The following ANKRD17 variants were observed in gnomAD, a reference collection of about 807,000 sequenced individuals.
ANKRD17 encodes the protein ankyrin repeat domain-containing protein 17.
ANKRD17 carries 19 observed loss-of-function variants against 229.7 expected under a neutral mutation model. The observed-to-expected ratio is 0.08, with a 90% CI of 0.06 to 0.12. ANKRD17 has a LOEUF of 0.12. Ranked by LOEUF, ANKRD17 falls within the 10% of genes least tolerant of loss-of-function variation. The probability of loss-of-function intolerance (pLI) is 1.00; values close to 1 mark genes in which losing one functional copy is unlikely to be tolerated. For missense variants in ANKRD17, 2,176 were observed against 3,176.8 expected, an observed-to-expected ratio of 0.68 and a Z score of 7.57; for synonymous variants, 1,112 against 1,146.1, an observed-to-expected ratio of 0.97 and a Z score of 0.60.
chr4:73,111,000 A>G (rs1049425875), intron 24 of ANKRD17, among the ~76,000 whole-genome samples: 1 of 152,214 alleles, frequency 6.6e-6, no homozygotes, highest in Admixed American at 6.5e-5. Context: ...ATACAAGGAA[A>G]TGACATTGGT....
intron 1 of ANKRD17, among the ~76,000 whole-genome samples, chr4:73,203,901 T>C (rs1739055540): frequency 6.6e-6 from 1 of 150,782 alleles, no homozygotes; most frequent in South Asian, 2.1e-4. Context: ...CACATCACAA[T>C]GAAACTACTA....
At chr4:73,131,341 A>T (rs1217123348) in intron 16 of ANKRD17, among the ~76,000 whole-genome samples, 1 of 152,234 alleles carries the variant, frequency 6.6e-6, no homozygotes, top group Non-Finnish European at 1.5e-5. Context: ...CCTTGTTAAA[A>T]ATATTAGCTC....
chr4:73,229,519 C>T (rs995198574), intron 1 of ANKRD17, among the ~76,000 whole-genome samples: 115 of 151,642 alleles, frequency 7.6e-4, no homozygotes, highest in Non-Finnish European at 8.4e-4. Context: ...TACACCTCCT[C>T]TCATCTAACT....
At chr4:73,208,734 A>G (rs887469831) in intron 1 of ANKRD17, among the ~76,000 whole-genome samples, 1 of 152,218 alleles carries the variant, frequency 6.6e-6, no homozygotes, top group South Asian at 2.1e-4. Flanking sequence ...AAAATAAAAG[A>G]TATCAACATT....
At chr4:73,144,638 C>T in intron 11 of ANKRD17, 107 bp downstream of exon 11, 1 of 584,308 alleles carries the variant, frequency 1.7e-6, no homozygotes, top group Non-Finnish European at 2.8e-6. Flanking sequence ...AGCATCCCTC[C>T]TCATATGATA....
chr4:73,081,366 G>A lies in ANKRD17; in HGVS notation c.7160-2476C>T, dbSNP rs76032760. Among the ~76,000 whole-genome samples the A allele has an allele frequency of 4.2e-3, 635 of 152,340 alleles. 4 individuals carry two copies. The highest frequency in any genetic ancestry group is 0.015 in the African/African-American group (612 of 41,574). On this transcript the variant is annotated intron_variant, in intron 30 of 33. Transcript: ENST00000358602. ...GAGACCACAAATCCTCTAAGAGAGA[G>A]AGAGAGAGAGAATAGCTATCCCTAA...
At position 73,074,046 on chromosome 4, in the gene ANKRD17, T is replaced by A. The variant is rs1315846038; in HGVS notation, c.*2185A>T. Reference sequence around the variant, plus strand: ...CATCTGAAATATAAAAAATGTATTTTAAAAATGTTCCTAGTACAGACTTCT... The same window carrying A: ...CATCTGAAATATAAAAAATGTATTTAAAAAATGTTCCTAGTACAGACTTCT... On this transcript the variant is annotated 3_prime_UTR_variant, in exon 34 of 34. Coordinates refer to ENST00000358602, the MANE Select transcript of ANKRD17 (RefSeq NM_032217.5). 6.6e-6 allele frequency: 1 copy of A among 152,032 alleles called. No homozygotes were observed. The highest frequency in any genetic ancestry group is 2.4e-5 in the African/African-American group (1 of 41,446). 9.4% of individuals were successfully genotyped at this position (152,032 alleles called of 1,614,324 possible).
At chr4:73,141,640 C>A (rs1007919560) in intron 14 of ANKRD17, 101 bp downstream of exon 14, 5 of 1,149,090 alleles carry the variant, frequency 4.4e-6, no homozygotes, top group East Asian at 2.5e-5. Context: ...TTAGTAATGC[C>A]AACTTAGTAA....
rs373599540 is a variant in ANKRD17, at chr4:73,157,767, G to A, written c.705-1601C>T. On this transcript the variant is annotated intron_variant, in intron 3 of 33. Coordinates refer to ENST00000358602, the MANE Select transcript of ANKRD17 (RefSeq NM_032217.5). ...TCTCCTTCAGGCTCTTTTCAACAAG[G>A]CAACCAGAGAGATCTTTTTAAAAGA... Among the ~76,000 whole-genome samples, 125 of 152,202 alleles carry A rather than the reference G, an allele frequency of 8.2e-4. 3 individuals carry two copies. In the South Asian group the frequency reaches 0.025, roughly 30 times the overall value.
At chr4:73,166,396 G>T (rs1390007835) in intron 2 of ANKRD17, among the ~76,000 whole-genome samples, 1 of 152,170 alleles carries the variant, frequency 6.6e-6, no homozygotes, top group Non-Finnish European at 1.5e-5. Flanking sequence ...AACTTTAAAG[G>T]TCTGAGAGTG....
intron 17 of ANKRD17, 29 bp from the exon 18 acceptor site, chr4:73,125,087 C>T (rs766067076): frequency 1.2e-6 from 2 of 1,609,888 alleles, no homozygotes; most frequent in Non-Finnish European, 1.7e-6. Flanking sequence ...CTTCTCACTA[C>T]ATGCTAAGGC....
At chr4:73,212,494 A>C (rs1374777820) in intron 1 of ANKRD17, among the ~76,000 whole-genome samples, 2 of 152,336 alleles carry the variant, frequency 1.3e-5, no homozygotes, top group Admixed American at 6.5e-5. Context: ...TGTCTAATGA[A>C]AGTTTTCAGA....
chr4:73,224,270 C>G lies in ANKRD17; in HGVS notation c.393+34006G>C, dbSNP rs561918614. Among the ~76,000 whole-genome samples the G allele has an allele frequency of 5.4e-4, 82 of 152,254 alleles. 1 individual carries two copies. The South Asian group carries it at 0.016, about 29-fold the overall frequency. ...AAACAAAAAGGAACAATGTTTTATG[C>G]TCTAAACTGAGAAAAGTGATGTGAT... On this transcript the variant is annotated intron_variant, in intron 1 of 33. Coordinates refer to ENST00000358602, the MANE Select transcript of ANKRD17 (RefSeq NM_032217.5).
At chr4:73,115,772 T>C (rs990431546) in intron 23 of ANKRD17, 49 bp downstream of exon 23, 11 of 1,398,910 alleles carry the variant, frequency 7.9e-6, no homozygotes, top group South Asian at 1.2e-5. Context: ...GAATGGAAGA[T>C]ATATTAACCG....
At chr4:73,115,687 A>C in intron 23 of ANKRD17, 134 bp downstream of exon 23, 1 of 605,638 alleles carries the variant, frequency 1.7e-6, no homozygotes, top group Non-Finnish European at 2.9e-6. Context: ...CTTAAATCGC[A>C]TACTTCATTC....
At chr4:73,247,164 A>C (rs375883130) in intron 1 of ANKRD17, among the ~76,000 whole-genome samples, 13 of 152,252 alleles carry the variant, frequency 8.5e-5, no homozygotes, top group African/African-American at 2.6e-4. Flanking sequence ...CCAAATGAAA[A>C]ACAAAGATTA....
intron 1 of ANKRD17, among the ~76,000 whole-genome samples, chr4:73,212,224 G>A (rs1488462185): frequency 6.7e-6 from 1 of 150,346 alleles, no homozygotes; most frequent in Non-Finnish European, 1.5e-5. Context: ...GTACAATGTT[G>A]AGTCACTGAA....
At chr4:73,083,523 C>T (rs929003104) in intron 30 of ANKRD17, among the ~76,000 whole-genome samples, 1 of 152,126 alleles carries the variant, frequency 6.6e-6, no homozygotes, top group African/African-American at 2.4e-5. Flanking sequence ...TTTAACTTTT[C>T]TATGGGTCTG....
intron 2 of ANKRD17, among the ~76,000 whole-genome samples, chr4:73,173,442 G>A (rs1734306578): frequency 6.6e-6 from 1 of 152,172 alleles, no homozygotes; most frequent in African/African-American, 2.4e-5. Flanking sequence ...ATGGCAGAGA[G>A]GAGAGGAGAC....
Sources: gnomAD v4.1 joint callset for allele counts (sites outside exome capture counted in the v4.1 genomes callset) on GRCh38, gnomAD v4.1.1 for gene constraint, MANE v1.5 for transcripts, NCBI Gene and HGNC (gene_info 2026-07-23, HGNC 2026-07-21) for gene names.